CASTOR2: variants seen among roughly 807,000 people sequenced by gnomAD.
CASTOR2 encodes the protein cytosolic arginine sensor for mTORC1 subunit 2.
A neutral mutation model predicts 31.2 loss-of-function variants in CASTOR2; 8 were observed. The observed-to-expected ratio is 0.26, with a 90% CI of 0.15 to 0.46. The LOEUF is 0.46. CASTOR2 is among the 20% of genes least tolerant of loss of function. CASTOR2 has a pLI of 0.99. For synonymous variants in CASTOR2, 162 were observed against 158.7 expected (o/e 1.02, Z -0.16); for missense variants, 216 against 382.1 (o/e 0.57, Z 3.62).
At chr7:74,977,641 G>A (rs1452270625) in intron 1 of CASTOR2, among the ~76,000 whole-genome samples, 12 of 149,666 alleles carry the variant, frequency 8.0e-5, no homozygotes, top group Non-Finnish European at 1.8e-4. Context: ...TCAGCTTCCC[G>A]AAGTGCTAGG....
At chr7:75,019,927 A>G (rs903591164) in intron 5 of CASTOR2, 112 bp from the exon 6 acceptor site, 72 of 912,190 alleles carry the variant, frequency 7.9e-5, no homozygotes, top group Non-Finnish European at 1.1e-4. Flanking sequence ...ACACTGGCCC[A>G]GGGTCACCCA....
At chr7:74,991,090 G>C (rs1563057326) in intron 1 of CASTOR2, among the ~76,000 whole-genome samples, 1 of 132,122 alleles carries the variant, frequency 7.6e-6, no homozygotes, top group South Asian at 2.5e-4. Flanking sequence ...AAAAAAAAAG[G>C]AAAAGAAAAA....
At position 75,030,429 on chromosome 7, in the gene CASTOR2, C is replaced by A. The variant is rs1248285748; in HGVS notation, c.*5730C>A. Among the ~76,000 whole-genome samples, 1 of 152,042 alleles carries A rather than the reference C, an allele frequency of 6.6e-6. No individual in the cohort carries two copies. Among genetic ancestry groups the A allele is most frequent in the African/African-American group, 2.4e-5 (1 of 41,380 alleles). ...CCTGGCTCCAGGGGAGAGGGTGGGG[C>A]GTCTCTGGTAGGACGGCCTCACCCC... On this transcript the variant is annotated 3_prime_UTR_variant, in exon 9 of 9. Coordinates refer to ENST00000616305, the MANE Select transcript of CASTOR2 (RefSeq NM_001145064.3).
intron 1 of CASTOR2, among the ~76,000 whole-genome samples, chr7:74,991,193 C>T (rs1360630154): frequency 5.3e-5 from 8 of 152,154 alleles, no homozygotes; most frequent in African/African-American, 1.4e-4. Context: ...TGAAGGTGCC[C>T]TGCCTGCCTG....
intron 1 of CASTOR2, among the ~76,000 whole-genome samples, chr7:74,972,523 G>A (rs1400513233): frequency 1.3e-5 from 2 of 150,462 alleles, no homozygotes; most frequent in Non-Finnish European, 3.0e-5. Flanking sequence ...TATGCAGTAA[G>A]CATGGGCCCA....
chr7:74,968,937 A>G (rs1184665568), intron 1 of CASTOR2, among the ~76,000 whole-genome samples: 2 of 1,218 alleles, frequency 1.6e-3, no homozygotes, highest in Non-Finnish European at 3.7e-3. Flanking sequence ...TCACATTTGG[A>G]GTTAACTAGT....
At chr7:74,997,057 T>C (rs1804370594) in intron 1 of CASTOR2, among the ~76,000 whole-genome samples, 3 of 151,856 alleles carry the variant, frequency 2.0e-5, no homozygotes, top group Non-Finnish European at 4.4e-5. Context: ...TTTAATTTTA[T>C]TTTTTATTTT....
chr7:75,009,694 A>G (rs1267991989), intron 2 of CASTOR2, among the ~76,000 whole-genome samples: 1 of 151,698 alleles, frequency 6.6e-6, no homozygotes, highest in Admixed American at 6.6e-5. Context: ...GTACAGCCAC[A>G]GCTTCTAGTA....
chr7:74,995,534 G>A (rs1203406370), intron 1 of CASTOR2, among the ~76,000 whole-genome samples: 2 of 129,038 alleles, frequency 1.5e-5, no homozygotes, highest in African/African-American at 3.7e-5. Flanking sequence ...AAGGCCGGGT[G>A]CGGTGGCTCA....
At chr7:74,998,009 G>A (rs369598170) in intron 1 of CASTOR2, among the ~76,000 whole-genome samples, 14,910 of 151,990 alleles carry the variant, frequency 0.098, 2,446 homozygotes, top group African/African-American at 0.34. Flanking sequence ...TGTGTCTCCC[G>A]TTACATATCT....
At chr7:75,008,967 T>C (rs1804666715) in intron 2 of CASTOR2, among the ~76,000 whole-genome samples, 2 of 152,078 alleles carry the variant, frequency 1.3e-5, no homozygotes, top group Non-Finnish European at 2.9e-5. Context: ...TTTTTTGTTT[T>C]TTGTTTTGAG....
At position 74,984,704 on chromosome 7, in the gene CASTOR2, C is replaced by T. The variant is rs1169917274; in HGVS notation, c.113+19606C>T. 3.9e-5 allele frequency among the ~76,000 whole-genome samples: 6 copies of T among 152,292 alleles called. 1 individual carries two copies. Among genetic ancestry groups the T allele is most frequent in the African/African-American group, 1.4e-4 (6 of 41,578 alleles). On this transcript the variant is annotated intron_variant, in intron 1 of 8. Coordinates refer to ENST00000616305, the MANE Select transcript of CASTOR2 (RefSeq NM_001145064.3). Reference sequence around the variant, plus strand: ...GGCCCACCGCCATGCCCTTTGGATGCATTATCAACTCAGGTGGGTATGTGA... The same window carrying T: ...GGCCCACCGCCATGCCCTTTGGATGTATTATCAACTCAGGTGGGTATGTGA...
intron 6 of CASTOR2, 76 bp from the exon 7 acceptor site, chr7:75,021,798 G>A (rs1034678517): frequency 8.4e-5 from 127 of 1,519,818 alleles, no homozygotes; most frequent in Middle Eastern, 5.1e-4. Context: ...CCTCGCTCTG[G>A]CTGGTGCACC....
chr7:75,021,055 G>A (rs917177185), intron 6 of CASTOR2, among the ~76,000 whole-genome samples: 6 of 150,976 alleles, frequency 4.0e-5, no homozygotes, highest in Admixed American at 1.3e-4. Context: ...GCAGTGGCGC[G>A]ATCTCAGCTC....
intron 2 of CASTOR2, among the ~76,000 whole-genome samples, chr7:75,015,756 G>A (rs1411955026): frequency 6.7e-6 from 1 of 150,056 alleles, no homozygotes; most frequent in Non-Finnish European, 1.5e-5. Context: ...GGACCGTTGA[G>A]TGTACGGTGA....
At chr7:75,022,844 G>A (rs2131957999) in intron 7 of CASTOR2, among the ~76,000 whole-genome samples, 1 of 152,158 alleles carries the variant, frequency 6.6e-6, no homozygotes, top group African/African-American at 2.4e-5. Flanking sequence ...AATTGGGGCT[G>A]TGATAAAAAT....
intron 8 of CASTOR2, 34 bp from the exon 9 acceptor site, chr7:75,024,600 C>T (rs923504805): frequency 0.017 from 26,648 of 1,551,256 alleles, 270 homozygotes; most frequent in Non-Finnish European, 0.02. Flanking sequence ...CCTGGGCTCA[C>T]GGGCAGGCAT....
intron 1 of CASTOR2, among the ~76,000 whole-genome samples, chr7:74,993,591 C>T (rs1316283106): frequency 6.6e-6 from 1 of 151,502 alleles, no homozygotes; most frequent in Non-Finnish European, 1.5e-5. Flanking sequence ...GCTGAGATTA[C>T]AGGCACCTGC....
At chr7:75,015,947 A>G (rs1354821933) in intron 2 of CASTOR2, among the ~76,000 whole-genome samples, 6 of 152,070 alleles carry the variant, frequency 3.9e-5, no homozygotes, top group Non-Finnish European at 7.4e-5. Flanking sequence ...GGTGCCTCTA[A>G]TCCCAGCTAC....
Sources: allele counts gnomAD v4.1 joint callset (sites outside exome capture counted in the v4.1 genomes callset), GRCh38; gene constraint gnomAD v4.1.1; transcripts MANE v1.5; gene names NCBI Gene and HGNC (gene_info 2026-07-23, HGNC 2026-07-21).